Variants in BCAS3 observed in about 807,000 individuals in gnomAD.
The protein encoded by BCAS3 is BCAS3 microtubule associated cell migration factor.
In BCAS3, 53 loss-of-function variants were observed where a neutral mutation model predicts 116.1. The ratio of observed to expected loss-of-function variants is 0.46; its 90% CI spans 0.37 to 0.57. The LOEUF is 0.57. Among genes scored for constraint, BCAS3 ranks in the 20% least tolerant of loss-of-function variants. The pLI, the probability that BCAS3 is intolerant of heterozygous loss-of-function variation, is 0.00. For missense variants in BCAS3, 917 were observed against 1,165.4 expected (o/e 0.79, Z 3.10); for synonymous variants, 391 against 408.2 (o/e 0.96, Z 0.51).
chr17:61,360,372 A>C (rs1233743789), intron 22 of BCAS3, among the ~76,000 whole-genome samples: 5 of 152,170 alleles, frequency 3.3e-5, no homozygotes, highest in Admixed American at 2.6e-4. Context: ...CTGGAAGCCA[A>C]ATATTTGTTT....
chr17:61,067,261 A>C (rs2070726481), intron 19 of BCAS3, among the ~76,000 whole-genome samples: 1 of 95,910 alleles, frequency 1.0e-5, no homozygotes, highest in African/African-American at 5.3e-5. Flanking sequence ...AACTTTATTT[A>C]TGTGTGTATG....
intron 7 of BCAS3, among the ~76,000 whole-genome samples, chr17:60,831,935 C>T (rs984726910): frequency 6.6e-6 from 1 of 151,960 alleles, no homozygotes; most frequent in African/African-American, 2.4e-5. Flanking sequence ...ATTCTGAATG[C>T]ATCTGTTTGT....
rs574789015 is a variant in BCAS3 at position 60,990,494 on chromosome 17, G to A, written c.1486+259G>A. Among the ~76,000 whole-genome samples the A allele has an allele frequency of 3.9e-5, 6 of 152,192 alleles. No individual in the cohort carries two copies. The highest frequency in any genetic ancestry group is 1.4e-4 in the African/African-American group (6 of 41,516). ...TCATATTTATGGAATATAAAACTTG[G>A]AACTATTTTTATAACTTCAGAGAAC... On this transcript the variant is annotated intron_variant, in intron 15 of 23. Transcript: ENST00000407086. This position sits in a 1 kb window ranked among gnomAD's most constrained non-coding sequence, Gnocchi z 5.1.
chr17:60,801,042 G>T (rs759578696), intron 6 of BCAS3, among the ~76,000 whole-genome samples: 4 of 151,862 alleles, frequency 2.6e-5, no homozygotes, highest in Non-Finnish European at 5.9e-5. Context: ...AGCTATTCTA[G>T]CTCCCTTACC....
rs2067465194 is a variant in BCAS3 at position 61,041,030 on chromosome 17, T to C, written c.2029+138T>C. The C allele has an allele frequency of 1.6e-6, 1 of 644,500 alleles. No homozygotes were observed. Among genetic ancestry groups the C allele is most frequent in the Non-Finnish European group, 2.7e-6 (1 of 373,862 alleles). 39.9% of individuals were successfully genotyped at this position (644,500 alleles called of 1,614,324 possible). A position where few individuals can be genotyped will look rare whatever the true frequency, so the allele number is the denominator to read the frequency against. ...GAATCAGTTTGAGGCAAATAAGATA[T>C]TTAATATGAATATAAACTGTAAGCC... On this transcript the variant is annotated intron_variant, in intron 19 of 23. Coordinates refer to ENST00000407086, the MANE Select transcript of BCAS3 (RefSeq NM_017679.5). This position sits in a 1 kb window ranked among gnomAD's most constrained non-coding sequence, Gnocchi z 4.7.
intron 14 of BCAS3, among the ~76,000 whole-genome samples, chr17:60,974,655 G>T (rs1436115059): frequency 6.6e-6 from 1 of 152,154 alleles, no homozygotes; most frequent in Non-Finnish European, 1.5e-5. Flanking sequence ...AATGAGAAAT[G>T]TGAGATATTA....
In BCAS3 at chr17:61,241,728, T is replaced by G. The variant is rs979698607; in HGVS notation, c.2426-126599T>G. On this transcript the variant is annotated intron_variant, in intron 22 of 23. Transcript: ENST00000407086. The surrounding 1 kb of genome is among the most constrained non-coding windows in gnomAD (Gnocchi z 4.6). ...AGGGAGACTCCATCTCAAAAAATAA[T>G]AATAAGAATAATAGTTTGGAGGTAA... 1.8e-4 allele frequency among the ~76,000 whole-genome samples: 27 copies of G among 151,832 alleles called. No homozygotes were observed. The highest frequency in any genetic ancestry group is 4.1e-4 in the African/African-American group (17 of 41,426).
intron 23 of BCAS3, among the ~76,000 whole-genome samples, chr17:61,369,538 T>A (rs73993476): frequency 0.038 from 5,724 of 152,284 alleles, 328 homozygotes; most frequent in African/African-American, 0.13. Context: ...CACTTCCCCG[T>A]GGCTCCTCCA....
intron 19 of BCAS3, among the ~76,000 whole-genome samples, chr17:61,053,910 C>T (rs916890320): frequency 5.9e-5 from 9 of 152,122 alleles, no homozygotes; most frequent in Non-Finnish European, 7.4e-5. Context: ...TTCAGTGAGA[C>T]GGTGTTTTTC....
intron 22 of BCAS3, among the ~76,000 whole-genome samples, chr17:61,353,210 T>G (rs569247644): frequency 3.0e-4 from 46 of 152,154 alleles, no homozygotes; most frequent in African/African-American, 1.0e-3. Context: ...TTCCTTGTGT[T>G]TAAAAGAGGA....
intron 7 of BCAS3, among the ~76,000 whole-genome samples, chr17:60,833,740 C>A (rs941733754): frequency 6.6e-6 from 1 of 152,144 alleles, no homozygotes; most frequent in South Asian, 2.1e-4. Context: ...TTTCACTTCA[C>A]GTATTCTTTC....
intron 22 of BCAS3, among the ~76,000 whole-genome samples, chr17:61,202,345 C>T (rs12935896): frequency 0.61 from 92,851 of 151,402 alleles, 32,744 homozygotes; most frequent in South Asian, 0.85. Flanking sequence ...AGATCTGAAA[C>T]GATTTGCGCA....
rs572258558 is a variant in BCAS3 at position 61,140,236 on chromosome 17, C to CA, written c.2425+55680dup. ...TGGGTGACAGAGCAAGACTCCATCT[C>CA]AAAAAAAAGGAACAGAGTCACCAAG... is the stretch of plus-strand genomic sequence containing the variant. On this transcript the variant is annotated intron_variant, in intron 22 of 23. Transcript: ENST00000407086. The surrounding 1 kb of genome is among the most constrained non-coding windows in gnomAD (Gnocchi z 4.2). Among the ~76,000 whole-genome samples, 17 of 151,430 alleles carry CA rather than the reference C, an allele frequency of 1.1e-4. No homozygotes were observed. The highest frequency in any genetic ancestry group is 4.1e-4 in the African/African-American group (17 of 41,328).
At chr17:60,977,968 G>A (rs1344963351) in intron 14 of BCAS3, among the ~76,000 whole-genome samples, 3 of 143,180 alleles carry the variant, frequency 2.1e-5, no homozygotes, top group Non-Finnish European at 4.4e-5. Flanking sequence ...AAATACATGT[G>A]CATGTGTCTT....
At chr17:60,893,199 T>G (rs895692776) in intron 10 of BCAS3, among the ~76,000 whole-genome samples, 4 of 152,226 alleles carry the variant, frequency 2.6e-5, no homozygotes, top group Non-Finnish European at 5.9e-5. Flanking sequence ...GTTTATCTGT[T>G]TACTCTATCG....
intron 22 of BCAS3, among the ~76,000 whole-genome samples, chr17:61,304,881 G>A (rs2053724308): frequency 6.6e-6 from 1 of 152,152 alleles, no homozygotes. Flanking sequence ...AGCCTCCTGA[G>A]TAGCTGGGAT....
chr17:61,018,302 T>G (rs1304541227), intron 16 of BCAS3, among the ~76,000 whole-genome samples: 7 of 138,784 alleles, frequency 5.0e-5, no homozygotes. Context: ...TTTTTTTTTT[T>G]TTTTTTTTTT....
At chr17:60,777,082 A>G (rs754705936) in intron 6 of BCAS3, among the ~76,000 whole-genome samples, 19 of 151,780 alleles carry the variant, frequency 1.3e-4, no homozygotes, top group Non-Finnish European at 2.4e-4. Context: ...GTGTGTATAT[A>G]TGTGTATATA....
rs948843742 is a variant in BCAS3 at position 61,352,500 on chromosome 17, G to T, written c.2426-15827G>T. Among the ~76,000 whole-genome samples the T allele has an allele frequency of 1.3e-5, 2 of 152,154 alleles. No homozygotes were observed. The highest frequency in any genetic ancestry group is 4.8e-5 in the African/African-American group (2 of 41,422). On this transcript the variant is annotated intron_variant, in intron 22 of 23. Transcript: ENST00000407086. The surrounding 1 kb of genome is among the most constrained non-coding windows in gnomAD (Gnocchi z 4.7). ...CTTTTTGAACTTACTTCTCAGCTAG[G>T]GAAATGAATAACATCCTGGTTGGCC...
Sources: allele counts gnomAD v4.1 joint callset (sites outside exome capture counted in the v4.1 genomes callset), GRCh38; gene constraint gnomAD v4.1.1; non-coding constraint Gnocchi (gnomAD v3.1); transcripts MANE v1.5; gene names NCBI Gene and HGNC (gene_info 2026-07-23, HGNC 2026-07-21).